The following AUH variants were observed in gnomAD, a reference collection of about 807,000 sequenced individuals.
The protein encoded by AUH is methylglutaconyl-CoA hydratase, mitochondrial.
Under a neutral mutation model 42.3 loss-of-function variants are expected in AUH, and 29 were observed. The ratio of observed to expected loss-of-function variants is 0.69; its 90% CI spans 0.51 to 0.93. The LOEUF (loss-of-function observed/expected upper bound fraction) is 0.93. Ranked by LOEUF, AUH falls within the 40% of genes least tolerant of loss-of-function variation. The pLI, the probability that AUH is intolerant of heterozygous loss-of-function variation, is 0.00. For synonymous variants in AUH, 174 were observed against 166.4 expected, an observed-to-expected ratio of 1.05 and a Z score of -0.35; for missense variants, 452 against 438.1, an observed-to-expected ratio of 1.03 and a Z score of -0.28.
chr9:91,356,772 A>G (rs772665348), intron 1 of AUH, among the ~76,000 whole-genome samples: 1 of 152,208 alleles, frequency 6.6e-6, no homozygotes, highest in Admixed American at 6.5e-5. Context: ...ATTTTCTAAA[A>G]ACAGTACTAT....
chr9:91,280,947 A>AT (rs1170340456), intron 6 of AUH, among the ~76,000 whole-genome samples: 2 of 152,056 alleles, frequency 1.3e-5, no homozygotes, highest in African/African-American at 2.4e-5. Context: ...CTCTTTCAGG[A>AT]TTTTTTTAAA....
At chr9:91,245,360 G>C (rs1828738780) in intron 6 of AUH, among the ~76,000 whole-genome samples, 1 of 152,172 alleles carries the variant, frequency 6.6e-6, no homozygotes. Context: ...CCAATGAAAA[G>C]TTTTAAAATC....
chr9:91,252,113 C>G (rs1285838383), intron 6 of AUH, among the ~76,000 whole-genome samples: 1 of 151,980 alleles, frequency 6.6e-6, no homozygotes, highest in Non-Finnish European at 1.5e-5. Flanking sequence ...ACTACAGGAG[C>G]CCGCCACCAT....
chr9:91,329,268 G>A (rs1490716061), intron 3 of AUH, among the ~76,000 whole-genome samples: 2 of 151,406 alleles, frequency 1.3e-5, no homozygotes, highest in Non-Finnish European at 2.9e-5. Flanking sequence ...AGAATTGCTA[G>A]GTCATACTGT....
At chr9:91,308,739 G>A (rs1828430419) in intron 4 of AUH, among the ~76,000 whole-genome samples, 1 of 151,352 alleles carries the variant, frequency 6.6e-6, no homozygotes, top group South Asian at 2.1e-4. Flanking sequence ...TCAACTTGGT[G>A]GATTGACAAA....
intron 6 of AUH, among the ~76,000 whole-genome samples, chr9:91,263,764 A>C (rs1469279520): frequency 6.6e-6 from 1 of 152,152 alleles, no homozygotes; most frequent in Admixed American, 6.6e-5. Flanking sequence ...ACTTGTATCT[A>C]GGTTTCTGGA....
intron 4 of AUH, among the ~76,000 whole-genome samples, chr9:91,303,899 C>T (rs995009462): frequency 6.6e-6 from 1 of 152,128 alleles, no homozygotes; most frequent in Non-Finnish European, 1.5e-5. Context: ...AATAACAAAA[C>T]AAGCCCTGAG....
intron 6 of AUH, among the ~76,000 whole-genome samples, chr9:91,236,560 T>C (rs1297311848): frequency 6.6e-6 from 1 of 152,098 alleles, no homozygotes; most frequent in Non-Finnish European, 1.5e-5. Flanking sequence ...GCCCCAGACC[T>C]GAGGACTTAG....
At chr9:91,356,704 C>G (rs748668044) in intron 1 of AUH, among the ~76,000 whole-genome samples, 3 of 152,116 alleles carry the variant, frequency 2.0e-5, no homozygotes, top group Non-Finnish European at 4.4e-5. Flanking sequence ...CCTAACTGCC[C>G]CACTTTTTAA....
chr9:91,344,019 G>A (rs1379513402), intron 3 of AUH, among the ~76,000 whole-genome samples: 1 of 152,164 alleles, frequency 6.6e-6, no homozygotes, highest in Non-Finnish European at 1.5e-5. Flanking sequence ...ATGGAAAGTG[G>A]GAGTGGGAGT....
chr9:91,269,559 A>T (rs1824943474), intron 6 of AUH, among the ~76,000 whole-genome samples: 1 of 152,244 alleles, frequency 6.6e-6, no homozygotes. Flanking sequence ...ATAGAAACCA[A>T]GTGCCTTTAA....
chr9:91,313,822 TC>T (rs55964126), intron 4 of AUH, among the ~76,000 whole-genome samples: 58,798 of 141,742 alleles, frequency 0.41, 13,396 homozygotes, highest in African/African-American at 0.61. Context: ...CCATAAACGC[TC>T]TTTTTTTTTT....
At chr9:91,236,671 T>C (rs1439581721) in intron 6 of AUH, among the ~76,000 whole-genome samples, 1 of 151,978 alleles carries the variant, frequency 6.6e-6, no homozygotes, top group Non-Finnish European at 1.5e-5. Flanking sequence ...GGTTGTGGGG[T>C]GACTGGGCTG....
At chr9:91,245,523 G>C (rs75513495) in intron 6 of AUH, among the ~76,000 whole-genome samples, 4,755 of 152,152 alleles carry the variant, frequency 0.031, 231 homozygotes, top group African/African-American at 0.1. Context: ...ATTAAGCAAG[G>C]GTTGAGTAAA....
rs569672713 is a variant in AUH, at chr9:91,285,544, T to C, written c.655+10477A>G. ...TCCCAGCTTTATATTGCCTTATCCC[T>C]GTTTGACTACAACAACAGTATTATA... On this transcript the variant is annotated intron_variant, in intron 6 of 9. Transcript: ENST00000375731. Among the ~76,000 whole-genome samples the C allele has an allele frequency of 9.2e-5, 14 of 152,210 alleles. No individual in the cohort carries two copies. The East Asian group carries it at 2.7e-3, about 29-fold the overall frequency.
chr9:91,252,112 G>A (rs760105728), intron 6 of AUH, among the ~76,000 whole-genome samples: 12 of 151,940 alleles, frequency 7.9e-5, no homozygotes, highest in Non-Finnish European at 1.6e-4. Context: ...GACTACAGGA[G>A]CCCGCCACCA....
In AUH at chr9:91,220,841, C is replaced by T. The variant is rs145208407; in HGVS notation, c.807G>A (p.Arg269=). 119 of 1,614,222 alleles carry T rather than the reference C, an allele frequency of 7.4e-5. No individual in the cohort carries two copies. In the African/African-American group the frequency reaches 1.0e-3, roughly 14 times the overall value. The change falls in exon 7 of 10, where the codon AGG becomes AGA. Residue 269 remains arginine (R), a synonymous_variant. Transcript: ENST00000375731. ...EQNQEGDAAY[R]KALDLAREFL... is the part of the protein sequence containing the mutation. The stretch of plus-strand genomic sequence containing the variant: ...ACTCTCTCGCCAGGTCCAAGGCCTT[C>T]CTGTAGGCCGCGTCTCCCTCCTGGT...
chr9:91,261,767 C>G (rs1373330909), intron 6 of AUH, among the ~76,000 whole-genome samples: 2 of 152,216 alleles, frequency 1.3e-5, no homozygotes, highest in Non-Finnish European at 2.9e-5. Context: ...CTCTCAGGAT[C>G]ACAGAACTGT....
At chr9:91,248,138 TTC>T (rs1411162533) in intron 6 of AUH, among the ~76,000 whole-genome samples, 1 of 152,220 alleles carries the variant, frequency 6.6e-6, no homozygotes, top group African/African-American at 2.4e-5. Context: ...TTCTAAGCAC[TTC>T]TGTTTTTAGG....
Sources: gnomAD v4.1 joint callset for allele counts (sites outside exome capture counted in the v4.1 genomes callset) on GRCh38, gnomAD v4.1.1 for gene constraint, MANE v1.5 for transcripts, NCBI Gene and HGNC (gene_info 2026-07-23, HGNC 2026-07-21) for gene names.